Variants in MYOCOS observed in about 807,000 individuals in gnomAD.
The protein encoded by MYOCOS is myocilin opposite strand protein.
chr1:171,618,163 A>G (rs1192613486), upstream of MYOCOS, among the ~76,000 whole-genome samples: 2 of 152,202 alleles, frequency 1.3e-5, no homozygotes, highest in Admixed American at 1.3e-4. Flanking sequence ...GTTTTCCATT[A>G]GCCACATACA....
upstream of MYOCOS, among the ~76,000 whole-genome samples, chr1:171,621,097 T>C (rs1652557883): frequency 1.3e-5 from 2 of 152,072 alleles, no homozygotes; most frequent in Non-Finnish European, 2.9e-5. Flanking sequence ...TGTATTTGAC[T>C]GATGTCTCAT....
chr1:171,601,470 T>A (rs2102930482), intron 1 of MYOCOS, among the ~76,000 whole-genome samples: 1 of 150,618 alleles, frequency 6.6e-6, no homozygotes, highest in East Asian at 1.9e-4. Context: ...AGTGTGAGCG[T>A]GGTATTTTGT....
At chr1:171,620,959 G>A (rs981835650), upstream of MYOCOS, among the ~76,000 whole-genome samples, 38 of 151,794 alleles carry the variant, frequency 2.5e-4, no homozygotes, top group African/African-American at 9.0e-4. Context: ...TAGTAGAGAC[G>A]GGGTTTCACC....
At chr1:171,621,177 A>G (rs1363788200), upstream of MYOCOS, among the ~76,000 whole-genome samples, 2 of 152,142 alleles carry the variant, frequency 1.3e-5, no homozygotes, top group Non-Finnish European at 2.9e-5. Context: ...GGACCTCCTG[A>G]GGGCTTTGTC....
In MYOCOS at chr1:171,610,434, A is replaced by G. The variant is rs185704357; in HGVS notation, c.-251-4364A>G. On this transcript the variant is annotated intron_variant, in intron 1 of 3. Transcript: ENST00000636697. ...TTTTATGTTGCTAAGGCAGAATACCACAGACTGGATAATTTATAAAGAAAA... is the reference window on the plus strand; with the variant it reads ...TTTTATGTTGCTAAGGCAGAATACCGCAGACTGGATAATTTATAAAGAAAA... 2.0e-5 allele frequency among the ~76,000 whole-genome samples: 3 copies of G among 152,380 alleles called. No individual in the cohort carries two copies. In the East Asian group the frequency reaches 5.8e-4, roughly 29 times the overall value.
chr1:171,603,149 G>A (rs981864637), intron 1 of MYOCOS, among the ~76,000 whole-genome samples: 2 of 152,140 alleles, frequency 1.3e-5, no homozygotes, highest in South Asian at 2.1e-4. Flanking sequence ...TCCAGCTTCC[G>A]TCTCCCAACA....
At chr1:171,609,244 A>G (rs746079089) in intron 1 of MYOCOS, among the ~76,000 whole-genome samples, 2 of 152,244 alleles carry the variant, frequency 1.3e-5, no homozygotes, top group Non-Finnish European at 2.9e-5. Flanking sequence ...CTGGACAAGC[A>G]TGTACTAAAA....
intron 1 of MYOCOS, among the ~76,000 whole-genome samples, chr1:171,612,247 T>A (rs1435421303): frequency 6.6e-6 from 1 of 151,786 alleles, no homozygotes; most frequent in Admixed American, 6.6e-5. Context: ...CCTGGCTAAT[T>A]TTTGTATTTT....
In MYOCOS at chr1:171,605,373, C is replaced by CCACA. The variant is rs55880778; in HGVS notation, c.-252+4312_-252+4315dup. Among the ~76,000 whole-genome samples the CCACA allele has an allele frequency of 7.9e-4, 110 of 139,268 alleles. 3 individuals carry two copies. Among genetic ancestry groups the CCACA allele is most frequent in the Admixed American group, 1.2e-3 (17 of 13,912 alleles). 91.4% of individuals were successfully genotyped at this position (139,268 alleles called of 152,430 possible). A position where few individuals can be genotyped will look rare whatever the true frequency, so the allele number is the denominator to read the frequency against. On this transcript the variant is annotated intron_variant, in intron 1 of 3. Transcript: ENST00000636697. ...TAAGACAAAAACCATATTAATAGTA[C>CCACA]CACACACACACACACACACACAAAA...
chr1:171,626,427 T>C (rs1334521683), intron 2 of MYOCOS, 27 bp from the exon 3 acceptor site: 2 of 398,418 alleles, frequency 5.0e-6, no homozygotes, highest in East Asian at 3.6e-5. Flanking sequence ...TTTATTCAAA[T>C]GGCATTCAAT....
intron 1 of MYOCOS, among the ~76,000 whole-genome samples, chr1:171,607,070 G>A (rs141628682): frequency 0.015 from 2,287 of 147,688 alleles, 26 homozygotes; most frequent in South Asian, 0.026. Context: ...CTCCAGCCTG[G>A]GCAAGAGAGT....
chr1:171,602,221 C>T (rs1473864563), intron 1 of MYOCOS, among the ~76,000 whole-genome samples: 10 of 151,262 alleles, frequency 6.6e-5, no homozygotes, highest in Middle Eastern at 3.4e-3. Context: ...AAATTGTGTG[C>T]GAAAGTCGTG....
chr1:171,604,914 A>C (rs1652216250), intron 1 of MYOCOS, among the ~76,000 whole-genome samples: 1 of 152,172 alleles, frequency 6.6e-6, no homozygotes. Flanking sequence ...CCTCAGACCC[A>C]AAATGAAATA....
Position 171,604,834 on chromosome 1 carries a change from C to CA in MYOCOS, c.-252+3759dup, listed in dbSNP as rs35056612. Reference sequence around the variant, plus strand: ...AGATAAAAAAGATCCTGTTTAGCTCCAAAAAGGAAAAGGCAGCCCCTCCTG... The same window carrying CA: ...AGATAAAAAAGATCCTGTTTAGCTCCAAAAAAGGAAAAGGCAGCCCCTCCTG... On this transcript the variant is annotated intron_variant, in intron 1 of 3. Coordinates refer to the MYOCOS transcript ENST00000636697. 5.3e-5 allele frequency among the ~76,000 whole-genome samples: 8 copies of CA among 152,076 alleles called. No homozygotes were observed. The South Asian group carries it at 1.7e-3, about 32-fold the overall frequency.
chr1:171,603,291 G>A (rs1652179104), intron 1 of MYOCOS, among the ~76,000 whole-genome samples: 1 of 152,204 alleles, frequency 6.6e-6, no homozygotes, highest in South Asian at 2.1e-4. Context: ...ATGTGTGGTG[G>A]TATTCTGGTG....
chr1:171,603,537 AG>A (rs1558078131), intron 1 of MYOCOS, among the ~76,000 whole-genome samples: 1 of 152,278 alleles, frequency 6.6e-6, no homozygotes, highest in African/African-American at 2.4e-5. Flanking sequence ...ACAGGATTTA[AG>A]TCAATATTTT....
intron 1 of MYOCOS, among the ~76,000 whole-genome samples, chr1:171,611,284 C>T (rs188797311): frequency 1.3e-5 from 2 of 152,280 alleles, no homozygotes; most frequent in Non-Finnish European, 2.9e-5. Context: ...GGTGCTGGTG[C>T]AATATTAGTG....
chr1:171,603,175 G>A (rs977989508), intron 1 of MYOCOS, among the ~76,000 whole-genome samples: 1 of 152,192 alleles, frequency 6.6e-6, no homozygotes, highest in Non-Finnish European at 1.5e-5. Context: ...TTCACTTCGT[G>A]TCTCTCATGG....
chr1:171,608,479 G>A (rs947940846), intron 1 of MYOCOS, among the ~76,000 whole-genome samples: 4 of 139,506 alleles, frequency 2.9e-5, no homozygotes, highest in East Asian at 2.2e-4. Flanking sequence ...GTGCAGTGGC[G>A]CGATCTCGGC....
Sources: allele counts gnomAD v4.1 joint callset (sites outside exome capture counted in the v4.1 genomes callset), GRCh38; gene constraint gnomAD v4.1.1; transcripts MANE v1.5; gene names NCBI Gene and HGNC (gene_info 2026-07-23, HGNC 2026-07-21).